The following DMD variants were observed in gnomAD, a reference collection of about 807,000 sequenced individuals.
The protein encoded by DMD is dystrophin.
In DMD, 63 loss-of-function variants were observed where a neutral mutation model predicts 330.1. The ratio of observed to expected loss-of-function variants is 0.19; its 90% CI spans 0.16 to 0.24. The LOEUF (loss-of-function observed/expected upper bound fraction) is 0.24, where lower values mean the gene tolerates loss of function less well. Ranked by LOEUF, DMD falls within the 10% of genes least tolerant of loss-of-function variation. DMD has a pLI of 1.00. For missense variants in DMD, 3,344 were observed against 2,684.1 expected, an observed-to-expected ratio of 1.25 and a Z score of -5.43; for synonymous variants, 1,223 against 959.8, an observed-to-expected ratio of 1.27 and a Z score of -5.07.
At chrX:32,854,554 G>A (rs1434781662) in intron 2 of DMD, among the ~76,000 whole-genome samples, 2 of 96,971 alleles carry the variant, frequency 2.1e-5, no homozygotes, top group Non-Finnish European at 4.0e-5. Flanking sequence ...AAAGTTTACA[G>A]CAATAAGCAC....
chrX:32,653,694 G>T (rs963627387), intron 9 of DMD, among the ~76,000 whole-genome samples: 24 of 111,826 alleles, frequency 2.1e-4, no homozygotes, highest in Admixed American at 5.7e-4. Context: ...ATTCCGTGTA[G>T]AAAGTCATTG....
chrX:33,086,024 A>G (rs1603256976), intron 1 of DMD: 1 of 112,436 alleles, frequency 8.9e-6, no homozygotes, highest in Non-Finnish European at 1.9e-5. Flanking sequence ...TTTGACTAAA[A>G]TATGTGATAA....
chrX:31,177,089 T>C (rs1163341204), intron 71 of DMD, among the ~76,000 whole-genome samples: 2 of 111,614 alleles, frequency 1.8e-5, no homozygotes, highest in African/African-American at 3.2e-5. Flanking sequence ...AAAGCATACT[T>C]TGAAATACCA....
intron 47 of DMD, among the ~76,000 whole-genome samples, chrX:31,925,626 A>G (rs1603612373): frequency 9.0e-6 from 1 of 110,983 alleles, no homozygotes; most frequent in African/African-American, 3.3e-5. Context: ...AATATCAGCA[A>G]TTTGGGAGGC....
rs1346604766 is a variant in DMD at position 32,418,817 on chromosome X, C to CA, written c.4072-6905dup. ...TGAAACCCTGTTTCTACTAAAAATA[C>CA]AAAAAATTAGCCTGGCATGGTGGCA... On this transcript the variant is annotated intron_variant, in intron 29 of 78. Transcript: ENST00000357033. Among the ~76,000 whole-genome samples, 14 of 107,449 alleles carry CA rather than the reference C, an allele frequency of 1.3e-4. No homozygotes were observed. In the Admixed American group the frequency reaches 1.4e-3, roughly 11 times the overall value. 93.3% of individuals were successfully genotyped at this position (107,449 alleles called of 115,157 possible).
At chrX:32,476,410 C>A (rs1459043820) in intron 21 of DMD, among the ~76,000 whole-genome samples, 1 of 111,336 alleles carries the variant, frequency 9.0e-6, no homozygotes, top group African/African-American at 3.3e-5. Flanking sequence ...AAAATCTAAT[C>A]TCTTGGAAAT....
At chrX:31,547,182 GT>G (rs1293885525) in intron 55 of DMD, among the ~76,000 whole-genome samples, 1 of 112,264 alleles carries the variant, frequency 8.9e-6, no homozygotes, top group Non-Finnish European at 1.9e-5. Flanking sequence ...ATTACAATCT[GT>G]TTAACATAAC....
intron 60 of DMD, among the ~76,000 whole-genome samples, chrX:31,350,351 T>C (rs1461642150): frequency 1.8e-5 from 2 of 112,066 alleles, no homozygotes; most frequent in East Asian, 5.6e-4. Flanking sequence ...TCCTCAGCAT[T>C]CTAACAGTAT....
intron 2 of DMD, among the ~76,000 whole-genome samples, chrX:32,885,964 T>C (rs950717383): frequency 3.6e-5 from 4 of 110,529 alleles, no homozygotes; most frequent in Non-Finnish European, 7.6e-5. Context: ...GCTTGACTAA[T>C]TTGTAGTCAA....
chrX:32,922,975 CAT>C (rs779187884), intron 2 of DMD, among the ~76,000 whole-genome samples: 319 of 111,916 alleles, frequency 2.9e-3, no homozygotes, highest in African/African-American at 9.9e-3. Context: ...AGTACTATAA[CAT>C]AATCTACATA....
chrX:31,654,194 C>T (rs1320031837), intron 54 of DMD, among the ~76,000 whole-genome samples: 1 of 111,940 alleles, frequency 8.9e-6, no homozygotes, highest in African/African-American at 3.2e-5. Context: ...TCTTATTTAA[C>T]ATTCAACAGT....
intron 48 of DMD, among the ~76,000 whole-genome samples, chrX:31,857,344 A>G (rs147725245): frequency 0.053 from 4,780 of 89,896 alleles, 386 homozygotes; most frequent in African/African-American, 0.19. Flanking sequence ...GCAGCACTGC[A>G]CTCCAGCCTG....
chrX:31,251,846 A>G (rs143144232), intron 63 of DMD, among the ~76,000 whole-genome samples: 2,695 of 112,625 alleles, frequency 0.024, 43 homozygotes, highest in Non-Finnish European at 0.035. Context: ...GTACATATCC[A>G]GCACTTTTCT....
intron 2 of DMD, among the ~76,000 whole-genome samples, chrX:32,923,782 G>A (rs1415648499): frequency 8.1e-5 from 9 of 110,893 alleles, no homozygotes; most frequent in Non-Finnish European, 1.5e-4. Context: ...GGGATTGTCT[G>A]GTTTTATTTG....
At chrX:32,243,448 G>A (rs1262780224) in intron 43 of DMD, among the ~76,000 whole-genome samples, 1 of 111,814 alleles carries the variant, frequency 8.9e-6, no homozygotes, top group Non-Finnish European at 1.9e-5. Context: ...TGCTATGCTG[G>A]TAAATGTCTA....
At chrX:32,447,011 T>G (rs147357784) in intron 27 of DMD, among the ~76,000 whole-genome samples, 2 of 110,644 alleles carry the variant, frequency 1.8e-5, no homozygotes, top group African/African-American at 6.5e-5. Context: ...CTTCGGAAAA[T>G]GTACTCCAAT....
intron 11 of DMD, among the ~76,000 whole-genome samples, chrX:32,625,761 T>C (rs1652296163): frequency 8.9e-6 from 1 of 112,158 alleles, no homozygotes. Flanking sequence ...AAGGCATAAA[T>C]GGATAGACTT....
chrX:32,308,179 G>A (rs935420825), intron 42 of DMD, among the ~76,000 whole-genome samples: 9 of 110,296 alleles, frequency 8.2e-5, no homozygotes, highest in Admixed American at 2.9e-4. Flanking sequence ...GAAACCATAC[G>A]TGCTATTTTA....
chrX:32,031,473 A>G (rs2095882756), intron 44 of DMD, among the ~76,000 whole-genome samples: 1 of 111,155 alleles, frequency 9.0e-6, no homozygotes. Flanking sequence ...CACCGCAAAA[A>G]TCCACATATT....
Sources: gnomAD v4.1 joint callset for allele counts (sites outside exome capture counted in the v4.1 genomes callset) on GRCh38, gnomAD v4.1.1 for gene constraint, MANE v1.5 for transcripts, NCBI Gene and HGNC (gene_info 2026-07-23, HGNC 2026-07-21) for gene names.